The following RAG1 variants were observed in gnomAD, a reference collection of about 807,000 sequenced individuals.
RAG1 encodes the protein V(D)J recombination-activating protein 1.
Under a neutral mutation model 62.7 loss-of-function variants are expected in RAG1, and 35 were observed. The ratio of observed to expected loss-of-function variants is 0.56; its 90% confidence interval spans 0.43 to 0.74. The LOEUF (loss-of-function observed/expected upper bound fraction) is 0.74, where lower values mean the gene tolerates loss of function less well. RAG1 is among the 30% of genes least tolerant of loss of function. The probability of loss-of-function intolerance (pLI) is 0.00; values close to 1 mark genes in which losing one functional copy is unlikely to be tolerated. For missense variants in RAG1, 1,169 were observed against 1,278.6 expected, an observed-to-expected ratio of 0.91 and a Z score of 1.31; for synonymous variants, 461 against 470.3, an observed-to-expected ratio of 0.98 and a Z score of 0.26.
chr11:36,548,065 A>T (rs993640134), intron 3 of RAG1, among the ~76,000 whole-genome samples: 5 of 152,200 alleles, frequency 3.3e-5, no homozygotes, highest in Non-Finnish European at 4.4e-5. Flanking sequence ...GCCTTCATAA[A>T]ATTCAACACC....
At chr11:36,572,264 A>C (rs1850759866) in intron 1 of RAG1, among the ~76,000 whole-genome samples, 1 of 152,194 alleles carries the variant, frequency 6.6e-6, no homozygotes, top group Admixed American at 6.5e-5. Flanking sequence ...GTACTAAGTA[A>C]TTTGGGAAAG....
intron 1 of RAG1, among the ~76,000 whole-genome samples, chr11:36,516,302 C>G (rs331452): frequency 0.96 from 146,453 of 152,364 alleles, 70,630 homozygotes; most frequent in Non-Finnish European, 1. Context: ...GTAAAAATCA[C>G]TGTTGTGTTT....
intron 1 of RAG1, among the ~76,000 whole-genome samples, chr11:36,517,780 A>G (rs555008057): frequency 2.7e-4 from 41 of 152,298 alleles, no homozygotes; most frequent in South Asian, 1.7e-3. Context: ...TTCTTTGTGG[A>G]TTTACTAAGT....
intron 1 of RAG1, among the ~76,000 whole-genome samples, chr11:36,516,423 G>A (rs534474352): frequency 6.6e-6 from 1 of 152,360 alleles, no homozygotes; most frequent in Admixed American, 6.5e-5. Context: ...CCGGGCTCAC[G>A]CCATTCTCCT....
At chr11:36,515,981 G>A (rs1345587171) in intron 1 of RAG1, among the ~76,000 whole-genome samples, 2 of 151,964 alleles carry the variant, frequency 1.3e-5, no homozygotes, top group Non-Finnish European at 1.5e-5. Context: ...TTGTGGTCAC[G>A]CTCATTTTTC....
chr11:36,537,996 T>C (rs1006414802), downstream of RAG1, among the ~76,000 whole-genome samples: 6 of 152,144 alleles, frequency 3.9e-5, no homozygotes, highest in African/African-American at 1.2e-4. Context: ...CCCTTCTGCT[T>C]GGGTGTTAGT....
rs558836308 is a variant in RAG1, at chr11:36,570,161, T to C, written c.-15+2039T>C. On this transcript the variant is annotated intron_variant, in intron 1 of 1. Transcript: ENST00000299440. ...TGTTGCATTCCTGTGGAAATGTTTC[T>C]ATTGGATAACTTCCCAAAAGGAGAT... Among the ~76,000 whole-genome samples the C allele has an allele frequency of 9.2e-5, 14 of 152,318 alleles. No individual in the cohort carries two copies. The East Asian group carries it at 1.7e-3, about 19-fold the overall frequency.
intron 2 of RAG1, among the ~76,000 whole-genome samples, chr11:36,530,990 T>G (rs1860244661): frequency 6.6e-6 from 1 of 152,040 alleles, no homozygotes; most frequent in Admixed American, 6.6e-5. Context: ...TTCAACACAT[T>G]GTTTGATGCA....
chr11:36,518,694 T>G (rs944750137), intron 1 of RAG1, among the ~76,000 whole-genome samples: 29 of 152,226 alleles, frequency 1.9e-4, no homozygotes, highest in African/African-American at 6.3e-4. Flanking sequence ...GGTTATTTGG[T>G]TTTTTTCTTG....
intron 2 of RAG1, among the ~76,000 whole-genome samples, chr11:36,522,290 A>T (rs1860092075): frequency 1.3e-5 from 2 of 152,154 alleles, no homozygotes; most frequent in African/African-American, 4.8e-5. Flanking sequence ...CTGTCTTGGG[A>T]CTTGGTGCCC....
upstream of RAG1, chr11:36,510,392 C>A (rs528056196): frequency 2.6e-5 from 4 of 152,654 alleles, no homozygotes; most frequent in Admixed American, 2.6e-4. Context: ...GGGCGGCGCC[C>A]CCAGCCCCGC....
intron 2 of RAG1, among the ~76,000 whole-genome samples, chr11:36,532,183 A>G (rs112063057): frequency 7.9e-5 from 12 of 152,002 alleles, no homozygotes; most frequent in African/African-American, 2.4e-4. Context: ...GAAATATTGG[A>G]AAAAAAGAAA....
At chr11:36,513,779 C>G (rs1859958195) in intron 1 of RAG1, among the ~76,000 whole-genome samples, 1 of 152,148 alleles carries the variant, frequency 6.6e-6, no homozygotes, top group African/African-American at 2.4e-5. Flanking sequence ...AAGGGGGTTT[C>G]CCTTTATAAA....
At chr11:36,566,159 A>G (rs1432442414), upstream of RAG1, among the ~76,000 whole-genome samples, 4 of 152,170 alleles carry the variant, frequency 2.6e-5, no homozygotes, top group Admixed American at 2.6e-4. Flanking sequence ...TGATGAGTCC[A>G]TTTGACCAGC....
upstream of RAG1, among the ~76,000 whole-genome samples, chr11:36,567,107 T>G (rs1172838014): frequency 6.6e-6 from 1 of 152,238 alleles, no homozygotes; most frequent in Non-Finnish European, 1.5e-5. Context: ...AAAGTGGCTT[T>G]CATTATTCTC....
chr11:36,519,007 A>G (rs968028181), intron 1 of RAG1, among the ~76,000 whole-genome samples: 2 of 152,226 alleles, frequency 1.3e-5, no homozygotes, highest in African/African-American at 4.8e-5. Flanking sequence ...TACTTTCCTG[A>G]AGAAGATTCT....
At chr11:36,550,502 A>T (rs1372035112) in intron 3 of RAG1, among the ~76,000 whole-genome samples, 1 of 152,150 alleles carries the variant, frequency 6.6e-6, no homozygotes, top group African/African-American at 2.4e-5. Context: ...ACTAGTCACA[A>T]TGGCAGAAGA....
chr11:36,570,872 A>G (rs972179746), intron 1 of RAG1, among the ~76,000 whole-genome samples: 3 of 152,188 alleles, frequency 2.0e-5, no homozygotes, highest in African/African-American at 7.2e-5. Context: ...TCGGATTATT[A>G]GATTGTTTCC....
At chr11:36,540,744 T>C (rs1564980074), downstream of RAG1, among the ~76,000 whole-genome samples, 1 of 152,176 alleles carries the variant, frequency 6.6e-6, no homozygotes, top group Non-Finnish European at 1.5e-5. Flanking sequence ...TCCAATCTTC[T>C]CTTTGTTCTT....
Sources: gnomAD v4.1 joint callset for allele counts (sites outside exome capture counted in the v4.1 genomes callset) on GRCh38, gnomAD v4.1.1 for gene constraint, MANE v1.5 for transcripts, NCBI Gene and HGNC (gene_info 2026-07-23, HGNC 2026-07-21) for gene names.